HECW1: variants seen among roughly 807,000 people sequenced by gnomAD.
HECW1 encodes the protein HECT, C2 and WW domain containing E3 ubiquitin protein ligase 1.
Under a neutral mutation model 182.3 loss-of-function variants are expected in HECW1, and 61 were observed. The observed-to-expected ratio is 0.33, with a 90% CI of 0.27 to 0.41. HECW1 has a LOEUF of 0.41. Among genes scored for constraint, HECW1 ranks in the 10% least tolerant of loss-of-function variants. The pLI is 1.00. For missense variants in HECW1, 1,739 were observed against 2,108.9 expected (o/e 0.82, Z 3.44); for synonymous variants, 859 against 832.6 (o/e 1.03, Z -0.55).
rs1432234949 is a variant in HECW1 at position 43,488,371 on chromosome 7, GA to G, written c.3235-3702del. The stretch of plus-strand genomic sequence containing the variant: ...GGAAGGAAGGAAGGAAGGAAGGAAG[GA>G]AGGAAGGAAGGAAGGAAGGAAGGAA... On this transcript the variant is annotated intron_variant, in intron 17 of 29. Coordinates refer to ENST00000395891, the MANE Select transcript of HECW1 (RefSeq NM_015052.5). Among the ~76,000 whole-genome samples the G allele has an allele frequency of 3.0e-3, 345 of 116,506 alleles. 6 individuals are homozygous for G. The highest frequency in any genetic ancestry group is 2.7e-3 in the Non-Finnish European group (144 of 53,262). 76.4% of individuals were successfully genotyped at this position (116,506 alleles called of 152,430 possible).
intron 4 of HECW1, among the ~76,000 whole-genome samples, chr7:43,313,501 C>A (rs891294151): frequency 1.1e-4 from 17 of 152,062 alleles, no homozygotes; most frequent in Non-Finnish European, 2.4e-4. Context: ...CCACGCCTGG[C>A]TAGTTTTGTA....
intron 2 of HECW1, among the ~76,000 whole-genome samples, chr7:43,217,611 G>A (rs1796557296): frequency 2.0e-5 from 3 of 152,174 alleles, no homozygotes; most frequent in Non-Finnish European, 4.4e-5. Flanking sequence ...CCGTAAAAGG[G>A]GGAAGAGGAC....
intron 3 of HECW1, among the ~76,000 whole-genome samples, chr7:43,307,079 C>G (rs12532870): frequency 3.1e-4 from 47 of 151,768 alleles, no homozygotes; most frequent in African/African-American, 1.1e-3. Flanking sequence ...GGAAAAAAAA[C>G]CAAAAACAAA....
At position 43,452,538 on chromosome 7, in the gene HECW1, T is replaced by C. The variant is rs564981532; in HGVS notation, c.2500+1609T>C. Reference sequence around the variant, plus strand: ...CTCAAATAGTACAAGAATTACCTTATTGCTGATATTCATTCATTCAACAAA... The same window carrying C: ...CTCAAATAGTACAAGAATTACCTTACTGCTGATATTCATTCATTCAACAAA... On this transcript the variant is annotated intron_variant, in intron 12 of 29. Coordinates refer to ENST00000395891, the MANE Select transcript of HECW1 (RefSeq NM_015052.5). 5.1e-4 allele frequency among the ~76,000 whole-genome samples: 78 copies of C among 152,386 alleles called. 1 individual carries two copies. Among genetic ancestry groups the C allele is most frequent in the African/African-American group, 1.9e-3 (77 of 41,600 alleles).
chr7:43,299,163 G>A (rs1654946543), intron 3 of HECW1, among the ~76,000 whole-genome samples: 1 of 152,184 alleles, frequency 6.6e-6, no homozygotes, highest in Admixed American at 6.5e-5. Context: ...ATAATCATCG[G>A]TTTGCCATCT....
chr7:43,497,577 T>C (rs2079168024), intron 19 of HECW1, among the ~76,000 whole-genome samples: 1 of 152,060 alleles, frequency 6.6e-6, no homozygotes, highest in Non-Finnish European at 1.5e-5. Flanking sequence ...GGGGAAAAGA[T>C]AGGCTGGGGA....
At chr7:43,154,479 C>A (rs10269585) in intron 2 of HECW1, among the ~76,000 whole-genome samples, 71,666 of 151,992 alleles carry the variant, frequency 0.47, 17,123 homozygotes, top group African/African-American at 0.54. Context: ...ATTTCTAGGT[C>A]GTGAAAGTTT....
intron 3 of HECW1, among the ~76,000 whole-genome samples, chr7:43,291,180 A>G (rs774921072): frequency 2.0e-5 from 3 of 152,230 alleles, no homozygotes; most frequent in Non-Finnish European, 2.9e-5. Context: ...GGCAATTTTT[A>G]CTTTCTGCAG....
At chr7:43,537,827 T>G (rs2081232060) in intron 24 of HECW1, among the ~76,000 whole-genome samples, 1 of 152,240 alleles carries the variant, frequency 6.6e-6, no homozygotes, top group Non-Finnish European at 1.5e-5. Flanking sequence ...GTTGCCCATG[T>G]CAGTCCGAGA....
chr7:43,412,916 G>A lies in HECW1; in HGVS notation c.801+5185G>A, dbSNP rs937963541. On this transcript the variant is annotated intron_variant, in intron 8 of 29. Coordinates refer to ENST00000395891, the MANE Select transcript of HECW1 (RefSeq NM_015052.5). ...GTGAATAATGCCGCAATAAACATAC[G>A]TGTGCATGTGTCTTTATAGCAGCAT... is the stretch of plus-strand genomic sequence containing the variant. Among the ~76,000 whole-genome samples, 45 of 147,920 alleles carry A rather than the reference G, an allele frequency of 3.0e-4. No individual in the cohort carries two copies. In the East Asian group the frequency reaches 7.3e-3, roughly 24 times the overall value.
At chr7:43,126,235 C>A (rs1280240830) in intron 2 of HECW1, among the ~76,000 whole-genome samples, 1 of 151,824 alleles carries the variant, frequency 6.6e-6, no homozygotes, top group Non-Finnish European at 1.5e-5. Context: ...ATTGTGCAAA[C>A]CTTCTTCATC....
intron 6 of HECW1, among the ~76,000 whole-genome samples, chr7:43,382,474 T>C (rs909813600): frequency 3.9e-5 from 6 of 152,212 alleles, no homozygotes; most frequent in African/African-American, 1.2e-4. Context: ...ACTCCAGCTC[T>C]CTGGTTACAA....
At chr7:43,172,893 A>C (rs992682332) in intron 2 of HECW1, among the ~76,000 whole-genome samples, 4 of 152,224 alleles carry the variant, frequency 2.6e-5, no homozygotes, top group Admixed American at 6.5e-5. Context: ...AAGCAGCCAG[A>C]AAAACACATA....
intron 3 of HECW1, among the ~76,000 whole-genome samples, chr7:43,244,284 T>C (rs1799159668): frequency 6.6e-6 from 1 of 152,200 alleles, no homozygotes; most frequent in African/African-American, 2.4e-5. Context: ...GCTGTACAGT[T>C]GATATGGACA....
At chr7:43,170,471 G>C (rs1179710822) in intron 2 of HECW1, among the ~76,000 whole-genome samples, 1 of 152,076 alleles carries the variant, frequency 6.6e-6, no homozygotes, top group Non-Finnish European at 1.5e-5. Flanking sequence ...TATGAGTTGG[G>C]ACTCTTGGTT....
intron 2 of HECW1, among the ~76,000 whole-genome samples, chr7:43,219,985 A>T (rs938081597): frequency 6.6e-6 from 1 of 152,250 alleles, no homozygotes; most frequent in East Asian, 1.9e-4. Flanking sequence ...AGGCTCCTGC[A>T]GTGAGTTCTG....
At chr7:43,373,244 C>T (rs568064204) in intron 6 of HECW1, among the ~76,000 whole-genome samples, 1 of 140,316 alleles carries the variant, frequency 7.1e-6, no homozygotes, top group South Asian at 2.3e-4. Context: ...GAGTCTCCCT[C>T]TGTTGCTCAG....
At chr7:43,551,954 A>C in intron 27 of HECW1, among the ~76,000 whole-genome samples, 1 of 141,230 alleles carries the variant, frequency 7.1e-6, no homozygotes, top group East Asian at 2.1e-4. Flanking sequence ...AAAAGCATGA[A>C]GCTCTCATAT....
At chr7:43,383,320 A>G (rs1342741484) in intron 6 of HECW1, among the ~76,000 whole-genome samples, 1 of 152,200 alleles carries the variant, frequency 6.6e-6, no homozygotes, top group African/African-American at 2.4e-5. Flanking sequence ...GCTGAGTCAA[A>G]TGGTATTTCT....
Sources: allele counts gnomAD v4.1 joint callset (sites outside exome capture counted in the v4.1 genomes callset), GRCh38; gene constraint gnomAD v4.1.1; transcripts MANE v1.5; gene names NCBI Gene and HGNC (gene_info 2026-07-23, HGNC 2026-07-21).